Variants in EFCAB5 observed in about 807,000 individuals in gnomAD.
The protein encoded by EFCAB5 is EF-hand calcium binding domain 5, also known as EF-hand calcium-binding domain-containing protein 5.
Under a neutral mutation model 167.9 loss-of-function variants are expected in EFCAB5, and 131 were observed. The ratio of observed to expected loss-of-function variants is 0.78; its 90% CI spans 0.68 to 0.90. EFCAB5 has a LOEUF of 0.90. EFCAB5 is among the 40% of genes least tolerant of loss of function. The probability of loss-of-function intolerance (pLI) is 0.00; values close to 1 mark genes in which losing one functional copy is unlikely to be tolerated. For missense variants in EFCAB5, 1,663 were observed against 1,745.2 expected, an observed-to-expected ratio of 0.95 and a Z score of 0.84; for synonymous variants, 574 against 602.8, an observed-to-expected ratio of 0.95 and a Z score of 0.70.
intron 1 of EFCAB5, among the ~76,000 whole-genome samples, chr17:29,934,124 C>T (rs973568364): frequency 6.6e-6 from 1 of 152,024 alleles, no homozygotes; most frequent in Admixed American, 6.6e-5. Flanking sequence ...ATTTTTTATA[C>T]AGGATTTTAT....
chr17:29,964,867 C>T (rs1046331611), intron 3 of EFCAB5, among the ~76,000 whole-genome samples: 10 of 150,732 alleles, frequency 6.6e-5, no homozygotes, highest in Admixed American at 2.6e-4. Flanking sequence ...ACTACTTTTT[C>T]GAGTTTCTTA....
intron 7 of EFCAB5, among the ~76,000 whole-genome samples, chr17:30,019,494 G>A (rs2069123949): frequency 6.7e-6 from 1 of 148,332 alleles, no homozygotes; most frequent in Non-Finnish European, 1.5e-5. Context: ...CGCCCAGGCT[G>A]GAGTGCAGTG....
At chr17:30,025,980 G>A (rs1413197197) in intron 7 of EFCAB5, among the ~76,000 whole-genome samples, 1 of 151,822 alleles carries the variant, frequency 6.6e-6, no homozygotes. Context: ...GAGAACACAT[G>A]GACACAGGAA....
At chr17:29,968,064 A>G (rs951650329) in intron 3 of EFCAB5, among the ~76,000 whole-genome samples, 3 of 151,958 alleles carry the variant, frequency 2.0e-5, no homozygotes, top group African/African-American at 7.3e-5. Context: ...TTGTAGAAAC[A>G]GCATCTTCCT....
intron 7 of EFCAB5, among the ~76,000 whole-genome samples, chr17:30,011,395 C>T (rs2068897041): frequency 6.6e-6 from 1 of 152,132 alleles, no homozygotes; most frequent in Admixed American, 6.5e-5. Context: ...TTACCTTGGG[C>T]AGTATGGCCA....
At chr17:29,984,269 G>A (rs542874445) in intron 4 of EFCAB5, among the ~76,000 whole-genome samples, 1 of 151,412 alleles carries the variant, frequency 6.6e-6, no homozygotes. Context: ...AAGCAGCAGA[G>A]GATGAAACAG....
At chr17:29,990,674 C>A (rs1389971786) in intron 4 of EFCAB5, among the ~76,000 whole-genome samples, 2 of 152,126 alleles carry the variant, frequency 1.3e-5, no homozygotes, top group Non-Finnish European at 1.5e-5. Flanking sequence ...TGTTTAAATT[C>A]TTTGAGTAAT....
At chr17:30,015,842 A>G (rs914210025) in intron 7 of EFCAB5, among the ~76,000 whole-genome samples, 1 of 149,042 alleles carries the variant, frequency 6.7e-6, no homozygotes, top group Admixed American at 6.7e-5. Flanking sequence ...GCTCACTGCA[A>G]CCTCTGCCTC....
At chr17:29,994,172 A>G (rs991615527) in intron 5 of EFCAB5, among the ~76,000 whole-genome samples, 33 of 128,382 alleles carry the variant, frequency 2.6e-4, no homozygotes, top group African/African-American at 9.5e-4. Context: ...ATATATATAT[A>G]TATATGTGAT....
At chr17:30,102,841 C>T (rs901564935) in intron 22 of EFCAB5, among the ~76,000 whole-genome samples, 5 of 151,216 alleles carry the variant, frequency 3.3e-5, no homozygotes, top group African/African-American at 1.2e-4. Context: ...TTCTTTGTTT[C>T]TTTTTTTGGA....
At chr17:30,093,608 G>A (rs2071241437) in intron 22 of EFCAB5, among the ~76,000 whole-genome samples, 1 of 152,144 alleles carries the variant, frequency 6.6e-6, no homozygotes, top group African/African-American at 2.4e-5. Context: ...AGAGTTTCTG[G>A]ATTAACGGGG....
chr17:29,992,494 C>A (rs2068443134), intron 4 of EFCAB5, among the ~76,000 whole-genome samples: 1 of 152,130 alleles, frequency 6.6e-6, no homozygotes, highest in South Asian at 2.1e-4. Context: ...ACTACAGGCG[C>A]ATGCCACCAC....
At chr17:30,096,518 A>C (rs2071289109) in intron 22 of EFCAB5, among the ~76,000 whole-genome samples, 1 of 151,626 alleles carries the variant, frequency 6.6e-6, no homozygotes, top group Admixed American at 6.6e-5. Flanking sequence ...ATAGCACTGC[A>C]CTCCAGCCTG....
At chr17:29,993,350 G>C (rs754685703) in intron 5 of EFCAB5, 29 bp downstream of exon 5, 2 of 1,595,114 alleles carry the variant, frequency 1.3e-6, no homozygotes, top group Non-Finnish European at 1.7e-6. Flanking sequence ...TATGTGAAAG[G>C]TAGGTGGGGT....
intron 7 of EFCAB5, among the ~76,000 whole-genome samples, chr17:30,018,134 C>T (rs1380668113): frequency 6.6e-6 from 1 of 151,768 alleles, no homozygotes; most frequent in Non-Finnish European, 1.5e-5. Context: ...CCTAAAACAA[C>T]ATAAACATTG....
At chr17:29,953,647 A>C (rs897009790) in intron 3 of EFCAB5, among the ~76,000 whole-genome samples, 5 of 152,246 alleles carry the variant, frequency 3.3e-5, no homozygotes, top group Middle Eastern at 3.2e-3. Flanking sequence ...ACCCAGTCTC[A>C]GGTATGTCTT....
intron 19 of EFCAB5, among the ~76,000 whole-genome samples, chr17:30,088,070 G>GA (rs1251475409): frequency 1.3e-5 from 2 of 152,102 alleles, no homozygotes; most frequent in African/African-American, 4.8e-5. Context: ...GGCTTTTAAA[G>GA]AAAAATTTCT....
chr17:30,087,898 G>T (rs1023466082), intron 19 of EFCAB5, among the ~76,000 whole-genome samples: 4 of 152,142 alleles, frequency 2.6e-5, no homozygotes, highest in Non-Finnish European at 5.9e-5. Flanking sequence ...AAACTAATTT[G>T]CATTCCCGCC....
At chr17:30,070,704 C>T (rs1230352779) in intron 14 of EFCAB5, among the ~76,000 whole-genome samples, 3 of 152,100 alleles carry the variant, frequency 2.0e-5, no homozygotes, top group Admixed American at 2.0e-4. Flanking sequence ...AATCCCAGCA[C>T]TTTGGGAGGC....
Sources: gnomAD v4.1 joint callset for allele counts (sites outside exome capture counted in the v4.1 genomes callset) on GRCh38, gnomAD v4.1.1 for gene constraint, MANE v1.5 for transcripts, NCBI Gene and HGNC (gene_info 2026-07-23, HGNC 2026-07-21) for gene names.